Variants in FGD6 observed in about 807,000 individuals in gnomAD.
FGD6 encodes the protein FYVE, RhoGEF and PH domain containing 6.
In FGD6, 90 loss-of-function variants were observed where a neutral mutation model predicts 149.4. That is an observed-to-expected ratio of 0.60 (90% confidence interval 0.51 to 0.72). FGD6 has a LOEUF of 0.72. Ranked by LOEUF, FGD6 falls within the 30% of genes least tolerant of loss-of-function variation. The pLI, the probability that FGD6 is intolerant of heterozygous loss-of-function variation, is 0.00. For missense variants in FGD6, 1,437 were observed against 1,684.8 expected, an observed-to-expected ratio of 0.85 and a Z score of 2.57; for synonymous variants, 527 against 584.0, an observed-to-expected ratio of 0.90 and a Z score of 1.41.
intron 2 of FGD6, among the ~76,000 whole-genome samples, chr12:95,204,283 T>C (rs1424435018): frequency 6.6e-6 from 1 of 152,086 alleles, no homozygotes; most frequent in Non-Finnish European, 1.5e-5. Context: ...GTTCGTCCTT[T>C]CTCCTCTGGG....
At chr12:95,147,241 A>G (rs1012784528) in intron 5 of FGD6, among the ~76,000 whole-genome samples, 5 of 152,186 alleles carry the variant, frequency 3.3e-5, no homozygotes, top group Non-Finnish European at 2.9e-5. Flanking sequence ...TAGAGGTGGG[A>G]AAGTCCCCAC....
In FGD6 at chr12:95,078,294, T is replaced by C. The variant is rs933379964; in HGVS notation, c.*3226A>G. 6.6e-5 allele frequency: 10 copies of C among 152,232 alleles called. No homozygotes were observed. Among genetic ancestry groups the C allele is most frequent in the African/African-American group, 9.7e-5 (4 of 41,446 alleles). The allele number at this position is 152,232 out of a possible 1,614,324, so 9.4% of individuals were successfully genotyped here. Reference sequence around the variant, plus strand: ...ACAATATGTATCTCTGGAAATCCCATTGACTACATTTGACTAAAGTGGATT... The same window carrying C: ...ACAATATGTATCTCTGGAAATCCCACTGACTACATTTGACTAAAGTGGATT... On this transcript the variant is annotated 3_prime_UTR_variant, in exon 21 of 21. Transcript: ENST00000343958.
chr12:95,102,074 GT>G (rs66470410), intron 14 of FGD6, among the ~76,000 whole-genome samples: 110,610 of 151,162 alleles, frequency 0.73, 40,657 homozygotes, highest in African/African-American at 0.78. Context: ...GGGAGGCTGA[GT>G]GGGGGTGGAT....
chr12:95,129,204 G>T (rs781545888), intron 8 of FGD6, among the ~76,000 whole-genome samples: 1 of 152,180 alleles, frequency 6.6e-6, no homozygotes, highest in Non-Finnish European at 1.5e-5. Context: ...AAGGATTTCA[G>T]TCCTTTCCAT....
At chr12:95,167,723 C>G (rs2136281149) in intron 3 of FGD6, among the ~76,000 whole-genome samples, 1 of 151,890 alleles carries the variant, frequency 6.6e-6, no homozygotes, top group East Asian at 1.9e-4. Context: ...TACAGGCATG[C>G]ACCAACACAC....
intron 3 of FGD6, among the ~76,000 whole-genome samples, chr12:95,170,495 A>C (rs1880960474): frequency 6.6e-6 from 1 of 152,070 alleles, no homozygotes; most frequent in East Asian, 1.9e-4. Flanking sequence ...TACAAAAATT[A>C]GCTGGGTATG....
chr12:95,174,474 C>G (rs1432453165), intron 2 of FGD6, among the ~76,000 whole-genome samples: 2 of 152,148 alleles, frequency 1.3e-5, no homozygotes, highest in African/African-American at 4.8e-5. Context: ...CCACCCACAA[C>G]CCACCGAATC....
intron 2 of FGD6, among the ~76,000 whole-genome samples, chr12:95,200,974 T>A (rs2136298988): frequency 6.6e-6 from 1 of 151,056 alleles, no homozygotes; most frequent in East Asian, 1.9e-4. Context: ...TAACATAGTT[T>A]CAAGAAAGTA....
chr12:95,158,414 A>C (rs912527717), intron 3 of FGD6, among the ~76,000 whole-genome samples: 8 of 149,146 alleles, frequency 5.4e-5, no homozygotes, highest in African/African-American at 2.0e-4. Context: ...TGGCCTTCTG[A>C]TCTGCCTGCC....
In FGD6 at chr12:95,081,288, C is replaced by T. The variant is rs1877663940; in HGVS notation, c.*232G>A. ...TGGTACTTTAGAATTCAGTGTGTCT[C>T]AGAAATAATTCTGACCATTAAGTAA... On this transcript the variant is annotated 3_prime_UTR_variant, in exon 21 of 21. Transcript: ENST00000343958. 1 of 362,022 alleles carries T rather than the reference C, an allele frequency of 2.8e-6. No individual in the cohort carries two copies. Among genetic ancestry groups the T allele is most frequent in the South Asian group, 5.9e-5 (1 of 16,978 alleles). 22.4% of individuals were successfully genotyped at this position (362,022 alleles called of 1,614,324 possible).
chr12:95,210,609 C>A lies in FGD6; in HGVS notation c.675G>T (p.Leu225Phe), dbSNP rs555123595. 1.2e-6 allele frequency: 2 copies of A among 1,614,060 alleles called. No homozygotes were observed. The highest frequency in any genetic ancestry group is 1.7e-6 in the Non-Finnish European group (2 of 1,180,034). Residue 225 changes from leucine to phenylalanine, a missense_variant, in exon 2 of 21, where the codon TTG becomes TTT. Leu to Phe is a conservative substitution (Grantham distance 22, BLOSUM62 0). This residue lies in a region of FGD6 where 1,055 missense variants were observed against 1,146.0 expected (regional missense o/e 0.92). Transcript: ENST00000343958. ...TTTCAAAGCTGGATGGGGAAGGTGACAAATCCGCAAATTCAATTCTGAATT... is the reference window on the plus strand; with the variant it reads ...TTTCAAAGCTGGATGGGGAAGGTGAAAAATCCGCAAATTCAATTCTGAATT... ...NGQFRIEFADLSPSPSSFEKV... is the reference protein window; with the variant it reads ...NGQFRIEFADFSPSPSSFEKV...
chr12:95,086,522 T>C (rs1304648596), intron 18 of FGD6, among the ~76,000 whole-genome samples: 1 of 150,334 alleles, frequency 6.7e-6, no homozygotes, highest in Admixed American at 6.7e-5. Flanking sequence ...CTTTTACTGA[T>C]TGATTTTTTT....
At chr12:95,138,683 G>A (rs1879755345) in intron 6 of FGD6, among the ~76,000 whole-genome samples, 1 of 152,034 alleles carries the variant, frequency 6.6e-6, no homozygotes. Context: ...TGGAGACATG[G>A]AATTCATTTC....
chr12:95,141,303 A>C lies in FGD6; in HGVS notation c.2837+85T>G, dbSNP rs974671019. 5.6e-5 allele frequency: 74 copies of C among 1,311,756 alleles called. 1 individual carries two copies. In the African/African-American group the frequency reaches 6.3e-4, roughly 11 times the overall value. 81.3% of individuals were successfully genotyped at this position (1,311,756 alleles called of 1,614,324 possible). A position where few individuals can be genotyped will look rare whatever the true frequency, so the allele number is the denominator to read the frequency against. On this transcript the variant is annotated intron_variant, in intron 6 of 20. Coordinates refer to ENST00000343958, the MANE Select transcript of FGD6 (RefSeq NM_018351.4). Reference sequence around the variant, plus strand: ...TATTCAAACAACTCAATGTAATGAAAATATATCTCTGTCACATGTGGGGCC... The same window carrying C: ...TATTCAAACAACTCAATGTAATGAACATATATCTCTGTCACATGTGGGGCC...
At chr12:95,091,562 A>G in intron 17 of FGD6, 145 bp downstream of exon 17, 1 of 572,944 alleles carries the variant, frequency 1.7e-6, no homozygotes, top group South Asian at 2.5e-5. Flanking sequence ...ACAACAAAAT[A>G]TGAATTAAGA....
intron 5 of FGD6, among the ~76,000 whole-genome samples, chr12:95,146,509 G>C (rs993663611): frequency 1.3e-5 from 2 of 152,226 alleles, no homozygotes; most frequent in Admixed American, 1.3e-4. Flanking sequence ...GGAAAAGCTG[G>C]GTAAATAAAA....
intron 5 of FGD6, among the ~76,000 whole-genome samples, chr12:95,149,861 A>G (rs927038665): frequency 6.8e-6 from 1 of 146,768 alleles, no homozygotes; most frequent in Non-Finnish European, 1.5e-5. Context: ...TAAAATATGT[A>G]TAATATATAA....
chr12:95,105,735 A>C (rs1034130282), intron 13 of FGD6, among the ~76,000 whole-genome samples: 3 of 152,236 alleles, frequency 2.0e-5, no homozygotes, highest in African/African-American at 7.2e-5. Flanking sequence ...AATCAAATGC[A>C]TAAACAGGCA....
chr12:95,105,395 C>T (rs981190825), intron 13 of FGD6, among the ~76,000 whole-genome samples: 4 of 152,196 alleles, frequency 2.6e-5, no homozygotes, highest in Admixed American at 2.6e-4. Context: ...TCCTCTTTCT[C>T]CTTCTTTCCT....
Sources: allele counts gnomAD v4.1 joint callset (sites outside exome capture counted in the v4.1 genomes callset), GRCh38; gene constraint gnomAD v4.1.1; regional missense constraint gnomAD v4.1.1; transcripts MANE v1.5; gene names NCBI Gene and HGNC (gene_info 2026-07-23, HGNC 2026-07-21).